SLC25A14: variants seen among roughly 807,000 people sequenced by gnomAD.
The protein encoded by SLC25A14 is brain mitochondrial carrier protein 1.
A neutral mutation model predicts 28.1 loss-of-function variants in SLC25A14; 8 were observed. That is an observed-to-expected ratio of 0.28 (90% CI 0.17 to 0.51). The LOEUF is 0.51. Ranked by LOEUF, SLC25A14 falls within the 20% of genes least tolerant of loss-of-function variation. SLC25A14 has a pLI of 0.97. For missense variants in SLC25A14, 135 were observed against 263.8 expected (o/e 0.51, Z 3.38); for synonymous variants, 74 against 90.6 (o/e 0.82, Z 1.04).
intron 9 of SLC25A14, among the ~76,000 whole-genome samples, chrX:130,370,971 G>GC (rs1319261214): frequency 3.6e-5 from 4 of 111,370 alleles, no homozygotes. Context: ...AGTTCATATG[G>GC]CAACTAGGGT....
intron 6 of SLC25A14, among the ~76,000 whole-genome samples, chrX:130,355,252 G>A (rs765115923): frequency 5.3e-4 from 59 of 112,369 alleles, no homozygotes; most frequent in South Asian, 1.1e-3. Context: ...TATGATTAGA[G>A]ATAGCAGTTC....
intron 8 of SLC25A14, chrX:130,364,956 A>G: frequency 1.1e-6 from 1 of 951,692 alleles, no homozygotes; most frequent in Admixed American, 4.6e-5. Context: ...GTACTTGGGA[A>G]CATTGTCTAA....
In SLC25A14 at chrX:130,373,058, G is replaced by C; in HGVS notation, c.*108G>C. On this transcript the variant is annotated 3_prime_UTR_variant, in exon 11 of 11. Coordinates refer to ENST00000545805, the MANE Select transcript of SLC25A14 (RefSeq NM_001282195.2). ...GTTGTAAGTGTTTACCAAGCCGTTG[G>C]TCTCCTAAGGGCCTCCTGATGGAAG... 1 of 588,355 alleles carries C rather than the reference G, an allele frequency of 1.7e-6. No homozygotes were observed. The highest frequency in any genetic ancestry group is 2.8e-6 in the Non-Finnish European group (1 of 360,219). 48.5% of individuals were successfully genotyped at this position (588,355 alleles called of 1,213,427 possible).
intron 2 of SLC25A14, among the ~76,000 whole-genome samples, chrX:130,343,303 A>G (rs2033323739): frequency 8.9e-6 from 1 of 111,941 alleles, no homozygotes; most frequent in Admixed American, 9.5e-5. Flanking sequence ...CTCTCACCAT[A>G]TGTGTCATAT....
Position 130,349,303 on chromosome X carries a change from A to G in SLC25A14, c.370A>G (p.Ile124Val), listed in dbSNP as rs1321646462. Residue 124 changes from isoleucine (I) to valine (V), a missense_variant, in exon 5 of 11, where the codon ATT (isoleucine) becomes GTT (valine). Physicochemically the swap from Ile to Val is conservative, Grantham distance 29 (BLOSUM62 3). Transcript: ENST00000545805. ...ATCATATGGCACCATTAAAATTGGG[A>G]TTTACCAAAGCTTGAAGCGCTTATT... is the stretch of plus-strand genomic sequence containing the variant. ...QASYGTIKIGIYQSLKRLFVE... is the reference protein window; with the variant it reads ...QASYGTIKIGVYQSLKRLFVE... The G allele has an allele frequency of 1.7e-6, 2 of 1,199,924 alleles. No individual in the cohort carries two copies. The highest frequency in any genetic ancestry group is 5.9e-5 in the East Asian group (2 of 33,630).
intron 7 of SLC25A14, among the ~76,000 whole-genome samples, chrX:130,361,886 T>C (rs2033977399): frequency 9.0e-6 from 1 of 111,597 alleles, no homozygotes; most frequent in Non-Finnish European, 1.9e-5. Context: ...TTCAGTCTTT[T>C]GGAAACACTG....
At chrX:130,359,352 C>CAAAAAAAAAAAAAAAA (rs55826694) in intron 7 of SLC25A14, among the ~76,000 whole-genome samples, 8 of 26,078 alleles carry the variant, frequency 3.1e-4, no homozygotes, top group African/African-American at 5.1e-4. Flanking sequence ...GACTCTGTCT[C>CAAAAAAAAAAAAAAAA]AAAAAAAAAA....
At chrX:130,340,425 CT>C (rs2033213734) in intron 2 of SLC25A14, 72 bp downstream of exon 2, 33 of 1,113,299 alleles carry the variant, frequency 3.0e-5, no homozygotes, top group South Asian at 2.6e-4. Flanking sequence ...TTTCTACCCC[CT>C]GTCACTCCTG....
At chrX:130,350,371 G>C (rs1315670084) in intron 5 of SLC25A14, among the ~76,000 whole-genome samples, 1 of 111,573 alleles carries the variant, frequency 9.0e-6, no homozygotes, top group East Asian at 2.8e-4. Context: ...TTGTGTGTGG[G>C]ATACTGATAG....
chrX:130,363,371 A>G (rs759892008), intron 7 of SLC25A14, among the ~76,000 whole-genome samples: 5 of 112,678 alleles, frequency 4.4e-5, no homozygotes, highest in Non-Finnish European at 7.5e-5. Context: ...TGCAGCATGT[A>G]TCAGTACTTT....
chrX:130,340,129 A>G lies in SLC25A14; in HGVS notation c.-150A>G, dbSNP rs897521788. 13 of 1,106,096 alleles carry G rather than the reference A, an allele frequency of 1.2e-5. No individual in the cohort carries two copies. The African/African-American group carries it at 2.5e-4, about 21-fold the overall frequency. 91.2% of individuals were successfully genotyped at this position (1,106,096 alleles called of 1,213,427 possible). A position where few individuals can be genotyped will look rare whatever the true frequency, so the allele number is the denominator to read the frequency against. ...CAGCTGAGTCCCTTCCCTGTCTTTC[A>G]CTCTTCTGGCATCGGTGGTTTTACT... On this transcript the variant is annotated 5_prime_UTR_variant, in exon 2 of 11. Transcript: ENST00000545805.
intron 2 of SLC25A14, among the ~76,000 whole-genome samples, chrX:130,341,887 G>A (rs774635243): frequency 4.5e-4 from 50 of 112,019 alleles, no homozygotes; most frequent in Non-Finnish European, 8.3e-4. Context: ...CGCAGGCAGA[G>A]AATATCTGGG....
At chrX:130,341,107 A>G (rs907018244) in intron 2 of SLC25A14, among the ~76,000 whole-genome samples, 7 of 111,879 alleles carry the variant, frequency 6.3e-5, no homozygotes, top group African/African-American at 2.3e-4. Context: ...GCACCTAACC[A>G]GGTTGTACCT....
intron 6 of SLC25A14, 92 bp downstream of exon 6, chrX:130,350,823 C>A: frequency 2.2e-6 from 1 of 462,471 alleles, no homozygotes; most frequent in Non-Finnish European, 3.7e-6. Context: ...GCTGTAGAAC[C>A]TTGGGCAAAT....
chrX:130,361,525 A>C (rs1406937756), intron 7 of SLC25A14, among the ~76,000 whole-genome samples: 5 of 112,854 alleles, frequency 4.4e-5, no homozygotes, highest in African/African-American at 1.6e-4. Flanking sequence ...ATTTTTCTTC[A>C]AACGTGCTCA....
chrX:130,357,537 AT>A (rs2033830252), intron 6 of SLC25A14, among the ~76,000 whole-genome samples: 1 of 112,034 alleles, frequency 8.9e-6, no homozygotes, highest in South Asian at 3.7e-4. Context: ...AGTAGTTTTC[AT>A]TTGTCTTTGT....
At chrX:130,357,543 C>T (rs1410560990) in intron 6 of SLC25A14, among the ~76,000 whole-genome samples, 1 of 111,934 alleles carries the variant, frequency 8.9e-6, no homozygotes, top group Non-Finnish European at 1.9e-5. Context: ...TTTCATTTGT[C>T]TTTGTGATAG....
intron 10 of SLC25A14, among the ~76,000 whole-genome samples, chrX:130,372,468 TA>T (rs199734664): frequency 2.6e-3 from 139 of 53,419 alleles, no homozygotes; most frequent in East Asian, 4.2e-3. Flanking sequence ...TATTTATTTT[TA>T]TTTTTTTTTT....
intron 7 of SLC25A14, among the ~76,000 whole-genome samples, chrX:130,361,972 C>T (rs2033980602): frequency 9.0e-6 from 1 of 111,231 alleles, no homozygotes; most frequent in Admixed American, 9.6e-5. Context: ...TTCACCAAAG[C>T]AGTCTTCTGT....
Sources: allele counts gnomAD v4.1 joint callset (sites outside exome capture counted in the v4.1 genomes callset), GRCh38; gene constraint gnomAD v4.1.1; transcripts MANE v1.5; gene names NCBI Gene and HGNC (gene_info 2026-07-23, HGNC 2026-07-21).